The following KSR2 variants were observed in gnomAD, a reference collection of about 807,000 sequenced individuals.
KSR2 encodes kinase suppressor of ras 2.
KSR2 carries 25 observed loss-of-function variants against 107.8 expected under a neutral mutation model. That is an observed-to-expected ratio of 0.23 (90% confidence interval 0.17 to 0.32). KSR2 has a LOEUF of 0.32. Among genes scored for constraint, KSR2 ranks in the 10% least tolerant of loss-of-function variants. The probability of loss-of-function intolerance (pLI) is 1.00; values close to 1 mark genes in which losing one functional copy is unlikely to be tolerated. For synonymous variants in KSR2, 480 were observed against 507.0 expected (o/e 0.95, Z 0.71); for missense variants, 887 against 1,268.9 (o/e 0.70, Z 4.57).
chr12:117,958,230 G>C (rs1403748510), intron 1 of KSR2, among the ~76,000 whole-genome samples: 1 of 152,154 alleles, frequency 6.6e-6, no homozygotes, highest in Non-Finnish European at 1.5e-5. Context: ...ATTCTGACCT[G>C]AGACAACAGC....
intron 1 of KSR2, among the ~76,000 whole-genome samples, chr12:117,941,613 CTTTTTTTTTTTTTTT>C (rs139487553): frequency 3.8e-4 from 20 of 52,962 alleles, no homozygotes; most frequent in Middle Eastern, 0.014. Flanking sequence ...ACAGGCTTTC[CTTTTTTTTTTTTTTT>C]TTTTTTTTTT....
intron 5 of KSR2, among the ~76,000 whole-genome samples, chr12:117,592,625 G>C (rs931032072): frequency 1.3e-4 from 20 of 152,184 alleles, no homozygotes; most frequent in African/African-American, 4.8e-4. Flanking sequence ...TTCATTGCCG[G>C]TAAAGAAAGA....
intron 1 of KSR2, among the ~76,000 whole-genome samples, chr12:117,950,852 C>T (rs969115568): frequency 6.6e-6 from 1 of 151,418 alleles, no homozygotes; most frequent in Non-Finnish European, 1.5e-5. Context: ...CTGGTATAAG[C>T]TATTAGGTAA....
At chr12:117,603,809 C>T (rs1881086388) in intron 5 of KSR2, among the ~76,000 whole-genome samples, 1 of 152,188 alleles carries the variant, frequency 6.6e-6, no homozygotes, top group African/African-American at 2.4e-5. Flanking sequence ...GTCAGACACG[C>T]CTCATTAAAA....
chr12:117,598,958 T>C (rs2136286247), intron 5 of KSR2, among the ~76,000 whole-genome samples: 1 of 152,230 alleles, frequency 6.6e-6, no homozygotes, highest in South Asian at 2.1e-4. Flanking sequence ...CTCCCCGACC[T>C]TTCCTGGAAA....
At chr12:117,661,960 C>T (rs6490143) in intron 5 of KSR2, among the ~76,000 whole-genome samples, 111,455 of 151,958 alleles carry the variant, frequency 0.73, 41,121 homozygotes, top group Admixed American at 0.81. Flanking sequence ...TTATATATTT[C>T]AATGCCTGCA....
intron 3 of KSR2, among the ~76,000 whole-genome samples, chr12:117,820,071 T>C (rs1891511055): frequency 2.0e-5 from 3 of 152,248 alleles, no homozygotes; most frequent in Admixed American, 2.0e-4. Flanking sequence ...TTTTTTTACA[T>C]ATTTCTTCAT....
intron 5 of KSR2, among the ~76,000 whole-genome samples, chr12:117,639,657 T>TATTATTATTATA (rs1491437914): frequency 8.5e-6 from 1 of 117,310 alleles, no homozygotes; most frequent in Admixed American, 9.3e-5. Flanking sequence ...TTATTATTAT[T>TATTATTATTATA]ATATTATTTT....
At chr12:117,720,909 G>A (rs1320398260) in intron 4 of KSR2, among the ~76,000 whole-genome samples, 1 of 152,182 alleles carries the variant, frequency 6.6e-6, no homozygotes, top group Non-Finnish European at 1.5e-5. Context: ...TGAGGCAGGA[G>A]GGAATGAGAT....
intron 3 of KSR2, among the ~76,000 whole-genome samples, chr12:117,786,428 C>G (rs992954310): frequency 5.9e-5 from 9 of 151,972 alleles, no homozygotes; most frequent in Non-Finnish European, 1.3e-4. Context: ...ATTTCACCAC[C>G]CAAGTACTAA....
chr12:117,540,088 T>C (rs1373268665), intron 9 of KSR2, among the ~76,000 whole-genome samples: 1 of 152,036 alleles, frequency 6.6e-6, no homozygotes, highest in East Asian at 1.9e-4. Flanking sequence ...GAACAGCCTC[T>C]GGAGTCGAAT....
intron 3 of KSR2, among the ~76,000 whole-genome samples, chr12:117,788,778 G>T (rs1472273425): frequency 6.6e-6 from 1 of 152,210 alleles, no homozygotes; most frequent in Non-Finnish European, 1.5e-5. Flanking sequence ...CTCCCAAAGT[G>T]CTGGGATTAT....
At chr12:117,642,587 G>A (rs139058257) in intron 5 of KSR2, among the ~76,000 whole-genome samples, 10 of 152,282 alleles carry the variant, frequency 6.6e-5, no homozygotes, top group Admixed American at 2.6e-4. Flanking sequence ...TTTACAAAAG[G>A]AGAAGACTCA....
At chr12:117,746,898 G>A (rs1021253803) in intron 4 of KSR2, among the ~76,000 whole-genome samples, 5 of 152,124 alleles carry the variant, frequency 3.3e-5, no homozygotes, top group Non-Finnish European at 5.9e-5. Flanking sequence ...TCTCATGCCA[G>A]TCAGAATGGT....
chr12:117,902,800 A>T (rs1361728182), intron 1 of KSR2, among the ~76,000 whole-genome samples: 1 of 152,208 alleles, frequency 6.6e-6, no homozygotes, highest in East Asian at 1.9e-4. Flanking sequence ...CCAAAAGTGC[A>T]AACATTTTAT....
At chr12:117,779,346 G>C (rs1404607255) in intron 3 of KSR2, among the ~76,000 whole-genome samples, 2 of 152,192 alleles carry the variant, frequency 1.3e-5, no homozygotes, top group Non-Finnish European at 2.9e-5. Context: ...CCAGTGAGCT[G>C]GGTTTGAATC....
chr12:117,576,249 A>T (rs1488408226), intron 7 of KSR2, among the ~76,000 whole-genome samples: 1 of 152,124 alleles, frequency 6.6e-6, no homozygotes, highest in African/African-American at 2.4e-5. Flanking sequence ...AGGTATGAGG[A>T]TGTAAGAGTT....
At chr12:117,865,983 A>C (rs1417448438) in intron 1 of KSR2, among the ~76,000 whole-genome samples, 2 of 151,916 alleles carry the variant, frequency 1.3e-5, no homozygotes. Flanking sequence ...TCTCTGTTGA[A>C]TGATACTATG....
rs150949721 is a variant in KSR2, at chr12:117,897,347, A to T, written c.181-36916T>A. Among the ~76,000 whole-genome samples the T allele has an allele frequency of 5.6e-3, 859 of 152,262 alleles. 11 individuals are homozygous for T. Among genetic ancestry groups the T allele is most frequent in the African/African-American group, 0.02 (817 of 41,554 alleles). On this transcript the variant is annotated intron_variant, in intron 1 of 19. Coordinates refer to ENST00000339824, the MANE Select transcript of KSR2 (RefSeq NM_173598.6). The surrounding 1 kb of genome is among the most constrained non-coding windows in gnomAD (Gnocchi z 4.5). ...AAAGGTGAGAAGGTTGCTTTCCCTG[A>T]CCCAGCAAGTCTGAGATCTCGGCTT... is the stretch of plus-strand genomic sequence containing the variant.
Sources: allele counts gnomAD v4.1 joint callset (sites outside exome capture counted in the v4.1 genomes callset), GRCh38; gene constraint gnomAD v4.1.1; non-coding constraint Gnocchi (gnomAD v3.1); transcripts MANE v1.5; gene names NCBI Gene and HGNC (gene_info 2026-07-23, HGNC 2026-07-21).